Variants in RALGDS observed in about 807,000 individuals in gnomAD.
The protein encoded by RALGDS is ral guanine nucleotide dissociation stimulator, also known as ral guanine nucleotide exchange factor.
A neutral mutation model predicts 99.8 loss-of-function variants in RALGDS; 44 were observed. The ratio of observed to expected loss-of-function variants is 0.44; its 90% CI spans 0.35 to 0.57. The LOEUF (loss-of-function observed/expected upper bound fraction) is 0.57. Ranked by LOEUF, RALGDS falls within the 20% of genes least tolerant of loss-of-function variation. The pLI, the probability that RALGDS is intolerant of heterozygous loss-of-function variation, is 0.01. For missense variants in RALGDS, 1,022 were observed against 1,203.1 expected, an observed-to-expected ratio of 0.85 and a Z score of 2.23; for synonymous variants, 529 against 505.0, an observed-to-expected ratio of 1.05 and a Z score of -0.64.
chr9:133,120,029 C>A lies in RALGDS; in HGVS notation c.183+943G>T, dbSNP rs536365281. 2.0e-5 allele frequency among the ~76,000 whole-genome samples: 3 copies of A among 152,220 alleles called. No homozygotes were observed. In the South Asian group the frequency reaches 6.2e-4, roughly 31 times the overall value. On this transcript the variant is annotated intron_variant, in intron 1 of 17. Coordinates refer to ENST00000372050, the MANE Select transcript of RALGDS (RefSeq NM_006266.4). ...TTCACTGTGAAGGCTGCAGCCCAGC[C>A]AAAGCTCTGATGGGCCCTGAGCCCC...
intron 2 of RALGDS, among the ~76,000 whole-genome samples, chr9:133,110,812 TA>T (rs1465754737): frequency 2.0e-5 from 3 of 152,194 alleles, no homozygotes; most frequent in Admixed American, 6.5e-5. Context: ...CCAGGCATAG[TA>T]GCTTACGCCT....
At chr9:133,115,173 C>A (rs150965606) in intron 1 of RALGDS, among the ~76,000 whole-genome samples, 3 of 152,186 alleles carry the variant, frequency 2.0e-5, no homozygotes, top group Admixed American at 2.0e-4. Flanking sequence ...CTCAGGCCAA[C>A]GGCACCTCCT....
chr9:133,101,931 C>T lies in RALGDS; in HGVS notation c.2211+7G>A, dbSNP rs1373479617. 1.3e-5 allele frequency: 20 copies of T among 1,550,864 alleles called. No homozygotes were observed. Among genetic ancestry groups the T allele is most frequent in the East Asian group, 2.4e-5 (1 of 40,938 alleles). The stretch of plus-strand genomic sequence containing the variant: ...AAAGGATATTGGGGAGAAGGGCAGG[C>T]AGTCACCTTCTTTTCCTGGCCATCA... On this transcript the variant is annotated splice_region_variant and intron_variant, in intron 15 of 17. Coordinates refer to ENST00000372050, the MANE Select transcript of RALGDS (RefSeq NM_006266.4).
upstream of RALGDS, among the ~76,000 whole-genome samples, chr9:133,134,790 C>T (rs673109): frequency 0.31 from 46,569 of 152,068 alleles, 7,818 homozygotes; most frequent in East Asian, 0.54. Context: ...ATTTCTACTA[C>T]GCACTGCCAT....
rs1011646904 is a variant in RALGDS at position 133,144,069 on chromosome 9, G to C, written c.18+4894C>G. Among the ~76,000 whole-genome samples, 8 of 152,098 alleles carry C rather than the reference G, an allele frequency of 5.3e-5. No individual in the cohort carries two copies. Among genetic ancestry groups the C allele is most frequent in the African/African-American group, 1.9e-4 (8 of 41,426 alleles). ...GAGGCAGGGTCTGGGGCTGGGGTTGGGGGGAAGGACCCCTCAAGTCTCTAT... is the reference window on the plus strand; with the variant it reads ...GAGGCAGGGTCTGGGGCTGGGGTTGCGGGGAAGGACCCCTCAAGTCTCTAT... On this transcript the variant is annotated intron_variant, in intron 1 of 17. Transcript: ENST00000393160. The surrounding 1 kb of genome is among the most constrained non-coding windows in gnomAD (Gnocchi z 4.5).
At chr9:133,121,305 G>A, upstream of RALGDS, 2 of 811,978 alleles carry the variant, frequency 2.5e-6, no homozygotes, top group South Asian at 1.1e-4. Context: ...GAAGAGGGTG[G>A]GGCCGGGGAG....
chr9:133,099,585 C>T (rs974340723), intron 17 of RALGDS: 3 of 154,044 alleles, frequency 1.9e-5, no homozygotes, highest in Admixed American at 1.9e-4. Context: ...CATATATATA[C>T]ACACACATAT....
chr9:133,137,628 C>G (rs142754705), intron 1 of RALGDS, among the ~76,000 whole-genome samples: 1 of 152,206 alleles, frequency 6.6e-6, no homozygotes, highest in Non-Finnish European at 1.5e-5. Context: ...GGGGGAAGAG[C>G]GAGGAGGAAG....
chr9:133,107,435 A>G (rs879426745), intron 6 of RALGDS, 135 bp from the exon 7 acceptor site: 2 of 826,084 alleles, frequency 2.4e-6, no homozygotes, highest in African/African-American at 1.7e-5. Context: ...CCCAGCACAC[A>G]AGTGACCCGG....
Position 133,144,430 on chromosome 9 carries a change from C to T in RALGDS, c.18+4533G>A, listed in dbSNP as rs967121806. Among the ~76,000 whole-genome samples the T allele has an allele frequency of 1.3e-5, 2 of 152,206 alleles. No homozygotes were observed. Among genetic ancestry groups the T allele is most frequent in the Non-Finnish European group, 2.9e-5 (2 of 68,042 alleles). On this transcript the variant is annotated intron_variant, in intron 1 of 17. Coordinates refer to the RALGDS transcript ENST00000393160. This position sits in a 1 kb window ranked among gnomAD's most constrained non-coding sequence, Gnocchi z 4.5. ...ACGCAAAGTCGCCACCCAGTCACCC[C>T]GCCTCGGCCCCGCCTGGTTTGATTT...
intron 16 of RALGDS, 134 bp from the exon 17 acceptor site, chr9:133,100,516 G>C: frequency 6.4e-7 from 1 of 1,558,376 alleles, no homozygotes. Context: ...CAGGTGCTGG[G>C]TCCGGAGAGG....
chr9:133,108,989 C>T (rs1831209928), intron 4 of RALGDS, 123 bp from the exon 5 acceptor site: 1 of 996,842 alleles, frequency 1.0e-6, no homozygotes. Flanking sequence ...CTTGGCTGTC[C>T]AGCTAAAAGA....
chr9:133,142,439 C>A (rs541280765), intron 1 of RALGDS, among the ~76,000 whole-genome samples: 1 of 152,248 alleles, frequency 6.6e-6, no homozygotes, highest in African/African-American at 2.4e-5. Flanking sequence ...TTCCTGCAGG[C>A]AAGTATTTTG....
At chr9:133,105,288 C>T (rs1380086512) in intron 9 of RALGDS, among the ~76,000 whole-genome samples, 1 of 152,176 alleles carries the variant, frequency 6.6e-6, no homozygotes, top group Non-Finnish European at 1.5e-5. Flanking sequence ...CCTCTGAGGC[C>T]TCGTGAATCC....
At chr9:133,120,870 G>T in intron 1 of RALGDS, 102 bp downstream of exon 1, 2 of 1,261,374 alleles carry the variant, frequency 1.6e-6, no homozygotes, top group Non-Finnish European at 2.0e-6. Context: ...CGGCCCGCTG[G>T]GATCGCCCGG....
chr9:133,126,243 C>T (rs1481104513), intron 1 of RALGDS, among the ~76,000 whole-genome samples: 2 of 151,720 alleles, frequency 1.3e-5, no homozygotes, highest in Non-Finnish European at 2.9e-5. Flanking sequence ...GGACGTGCAC[C>T]TGCCTTTCCT....
intron 16 of RALGDS, chr9:133,100,790 G>A (rs999762769): frequency 2.7e-6 from 3 of 1,129,844 alleles, no homozygotes; most frequent in Non-Finnish European, 3.3e-6. Context: ...AGTGTGGTCA[G>A]CATAGGCCAG....
rs952422331 is a variant in RALGDS, at chr9:133,120,963, C to A, written c.183+9G>T. ...CGCACCCCCCGCCCGACCGCCCCAG[C>A]TCACCCACCTCCGGGCGCGGCAGGT... On this transcript the variant is annotated intron_variant, in intron 1 of 17. Coordinates refer to ENST00000372050, the MANE Select transcript of RALGDS (RefSeq NM_006266.4). 25 of 1,481,460 alleles carry A rather than the reference C, an allele frequency of 1.7e-5. No homozygotes were observed. In the African/African-American group the frequency reaches 3.7e-4, roughly 22 times the overall value. The allele number at this position is 1,481,460 out of a possible 1,614,324, so 91.8% of individuals were successfully genotyped here. A position where few individuals can be genotyped will look rare whatever the true frequency, so the allele number is the denominator to read the frequency against.
upstream of RALGDS, among the ~76,000 whole-genome samples, chr9:133,133,507 T>C (rs1832377870): frequency 6.6e-6 from 1 of 152,202 alleles, no homozygotes; most frequent in South Asian, 2.1e-4. Flanking sequence ...GCCACATCAC[T>C]GTCACTGCCT....
Sources: allele counts gnomAD v4.1 joint callset (sites outside exome capture counted in the v4.1 genomes callset), GRCh38; gene constraint gnomAD v4.1.1; non-coding constraint Gnocchi (gnomAD v3.1); transcripts MANE v1.5; gene names NCBI Gene and HGNC (gene_info 2026-07-23, HGNC 2026-07-21).